NPTN: variants seen among roughly 807,000 people sequenced by gnomAD.
NPTN encodes the protein neuroplastin, also known as SDR-1.
Under a neutral mutation model 42.7 loss-of-function variants are expected in NPTN, and 5 were observed. The ratio of observed to expected loss-of-function variants is 0.12; its 90% confidence interval spans 0.06 to 0.25. NPTN has a LOEUF of 0.25. Ranked by LOEUF, NPTN falls within the 10% of genes least tolerant of loss-of-function variation. NPTN has a pLI of 1.00. For missense variants in NPTN, 307 were observed against 525.4 expected (o/e 0.58, Z 4.06); for synonymous variants, 180 against 201.9 (o/e 0.89, Z 0.92).
chr15:73,578,312 A>G (rs1895803175), intron 4 of NPTN, among the ~76,000 whole-genome samples: 1 of 152,150 alleles, frequency 6.6e-6, no homozygotes, highest in East Asian at 1.9e-4. Context: ...CAGAGACAGC[A>G]GTGGAAGCAA....
At chr15:73,587,729 C>T (rs148719878) in intron 3 of NPTN, 111 bp from the exon 4 acceptor site, 5 of 729,658 alleles carry the variant, frequency 6.9e-6, no homozygotes, top group Non-Finnish European at 9.5e-6. Context: ...ACCCTTAATG[C>T]AACTCACCTC....
At chr15:73,583,844 C>T (rs1328545277) in intron 4 of NPTN, among the ~76,000 whole-genome samples, 1 of 152,172 alleles carries the variant, frequency 6.6e-6, no homozygotes, top group East Asian at 1.9e-4. Flanking sequence ...GCTGAAAGTG[C>T]CGTGTGAATG....
chr15:73,596,343 GA>G (rs1896834748), intron 2 of NPTN, among the ~76,000 whole-genome samples: 1 of 152,116 alleles, frequency 6.6e-6, no homozygotes, highest in Admixed American at 6.5e-5. Flanking sequence ...CTGGAACTAT[GA>G]AAATATCCAA....
At chr15:73,589,924 A>T (rs1386890173) in intron 3 of NPTN, among the ~76,000 whole-genome samples, 2 of 151,744 alleles carry the variant, frequency 1.3e-5, no homozygotes, top group Non-Finnish European at 2.9e-5. Context: ...GAGTTTGAGG[A>T]AGGAGCAGCA....
At position 73,633,362 on chromosome 15, in the gene NPTN, C is replaced by T. The variant is rs915700266; in HGVS notation, c.-147G>A. On this transcript the variant is annotated 5_prime_UTR_variant, in exon 1 of 9. Transcript: ENST00000345330. Reference sequence around the variant, plus strand: ...GCTCGGCTCCGTCCTTCCCCGTCCTCCTCCTGCCGCCGCAGCGCCCAGGCC... The same window carrying T: ...GCTCGGCTCCGTCCTTCCCCGTCCTTCTCCTGCCGCCGCAGCGCCCAGGCC... The T allele has an allele frequency of 1.9e-6, 1 of 533,488 alleles. No homozygotes were observed. The allele number at this position is 533,488 out of a possible 1,614,324, so 33.0% of individuals were successfully genotyped here. A position where few individuals can be genotyped will look rare whatever the true frequency, so the allele number is the denominator to read the frequency against.
chr15:73,624,353 T>C (rs1049518771), intron 1 of NPTN, among the ~76,000 whole-genome samples: 1 of 152,236 alleles, frequency 6.6e-6, no homozygotes, highest in African/African-American at 2.4e-5. Context: ...AGGCCATTTA[T>C]TTCATCTCCC....
intron 1 of NPTN, among the ~76,000 whole-genome samples, chr15:73,604,810 A>C (rs953936537): frequency 6.6e-6 from 1 of 152,204 alleles, no homozygotes; most frequent in Non-Finnish European, 1.5e-5. Context: ...GTTTTATGCA[A>C]GCATTCTACT....
chr15:73,631,180 A>G (rs772952618), intron 1 of NPTN, among the ~76,000 whole-genome samples: 1 of 152,260 alleles, frequency 6.6e-6, no homozygotes, highest in Non-Finnish European at 1.5e-5. Flanking sequence ...GCAGAGATTA[A>G]ACATGTTAAG....
At chr15:73,613,434 C>T (rs1223527612) in intron 1 of NPTN, among the ~76,000 whole-genome samples, 1 of 152,170 alleles carries the variant, frequency 6.6e-6, no homozygotes, top group Non-Finnish European at 1.5e-5. Context: ...CAAGGCCCTA[C>T]TGCTCCAAAA....
At chr15:73,624,271 A>T (rs1162006563) in intron 1 of NPTN, among the ~76,000 whole-genome samples, 2 of 152,230 alleles carry the variant, frequency 1.3e-5, no homozygotes, top group Admixed American at 1.3e-4. Flanking sequence ...ATTCAATGAC[A>T]GTTCACTGCA....
At chr15:73,607,722 C>T (rs1897355922) in intron 1 of NPTN, among the ~76,000 whole-genome samples, 1 of 152,190 alleles carries the variant, frequency 6.6e-6, no homozygotes, top group Non-Finnish European at 1.5e-5. Flanking sequence ...ACACTGAGAA[C>T]TTTGTCATTA....
At chr15:73,631,804 T>C (rs921214053) in intron 1 of NPTN, among the ~76,000 whole-genome samples, 1 of 152,252 alleles carries the variant, frequency 6.6e-6, no homozygotes, top group East Asian at 1.9e-4. Context: ...TTCACAATCC[T>C]AGACTCACTT....
intron 1 of NPTN, among the ~76,000 whole-genome samples, chr15:73,604,970 C>A (rs913556038): frequency 4.6e-5 from 7 of 151,958 alleles, no homozygotes; most frequent in African/African-American, 1.7e-4. Flanking sequence ...TGGTGGTATG[C>A]ACCTCTAGTC....
intron 4 of NPTN, among the ~76,000 whole-genome samples, chr15:73,574,703 G>A (rs1382078834): frequency 2.0e-5 from 3 of 151,974 alleles, no homozygotes; most frequent in Non-Finnish European, 1.5e-5. Flanking sequence ...GTTTGCATCT[G>A]CACCTGGCCC....
chr15:73,565,149 G>A (rs1273065297), intron 6 of NPTN, among the ~76,000 whole-genome samples: 1 of 152,218 alleles, frequency 6.6e-6, no homozygotes, highest in Non-Finnish European at 1.5e-5. Context: ...GCCTGCAAGT[G>A]GGAGCAGTTG....
intron 3 of NPTN, among the ~76,000 whole-genome samples, chr15:73,590,687 G>A (rs1274748135): frequency 2.6e-5 from 4 of 151,918 alleles, no homozygotes; most frequent in South Asian, 2.1e-4. Context: ...GCTTGAGCCC[G>A]GGAGGCAGAG....
At chr15:73,563,298 GAGA>G (rs1357262553) in intron 6 of NPTN, 41 bp from the exon 7 acceptor site, 1 of 1,609,046 alleles carries the variant, frequency 6.2e-7, no homozygotes, top group East Asian at 2.2e-5. Context: ...TGAGAGATAA[GAGA>G]AGAAAGGAGA....
At chr15:73,561,399 C>T (rs769865004) in intron 8 of NPTN, among the ~76,000 whole-genome samples, 2 of 152,172 alleles carry the variant, frequency 1.3e-5, no homozygotes, top group Admixed American at 6.5e-5. Context: ...CACCTGATGG[C>T]GGGGCACACT....
chr15:73,569,147 T>C lies in NPTN; in HGVS notation c.1114+1003A>G, dbSNP rs1595897139. 1 of 985,514 alleles carries C rather than the reference T, an allele frequency of 1.0e-6. No individual in the cohort carries two copies. Among genetic ancestry groups the C allele is most frequent in the East Asian group, 1.1e-4 (1 of 8,812 alleles). 61.0% of individuals were successfully genotyped at this position (985,514 alleles called of 1,614,324 possible). A position where few individuals can be genotyped will look rare whatever the true frequency, so the allele number is the denominator to read the frequency against. ...CCCAGGGGCACACCCATCTGTCTAG[T>C]CTAGCCAGGGACAGACTAGTGGTGG... On this transcript the variant is annotated intron_variant, in intron 6 of 8. Coordinates refer to ENST00000345330, the MANE Select transcript of NPTN (RefSeq NM_012428.4). This position sits in a 1 kb window ranked among gnomAD's most constrained non-coding sequence, Gnocchi z 4.1.
Sources: allele counts gnomAD v4.1 joint callset (sites outside exome capture counted in the v4.1 genomes callset), GRCh38; gene constraint gnomAD v4.1.1; non-coding constraint Gnocchi (gnomAD v3.1); transcripts MANE v1.5; gene names NCBI Gene and HGNC (gene_info 2026-07-23, HGNC 2026-07-21).